TAFA2: variants seen among roughly 807,000 people sequenced by gnomAD.
TAFA2 encodes the protein chemokine-like protein TAFA-2.
A neutral mutation model predicts 18.8 loss-of-function variants in TAFA2; 7 were observed. The ratio of observed to expected loss-of-function variants is 0.37; its 90% confidence interval spans 0.21 to 0.70. The LOEUF (loss-of-function observed/expected upper bound fraction) is 0.70. TAFA2 is among the 30% of genes least tolerant of loss of function. TAFA2 has a pLI of 0.53. For missense variants in TAFA2, 122 were observed against 158.1 expected (o/e 0.77, Z 1.23); for synonymous variants, 60 against 54.2 (o/e 1.11, Z -0.47).
intron 1 of TAFA2, among the ~76,000 whole-genome samples, chr12:62,134,301 GAGGTCCTA>G (rs1215585905): frequency 3.3e-5 from 5 of 151,876 alleles, no homozygotes; most frequent in Admixed American, 6.6e-5. Flanking sequence ...AGGGTTAAAT[GAGGTCCTA>G]AGCATGGAGC....
chr12:62,118,882 T>A (rs1017892041), intron 1 of TAFA2, among the ~76,000 whole-genome samples: 1 of 152,168 alleles, frequency 6.6e-6, no homozygotes, highest in Non-Finnish European at 1.5e-5. Flanking sequence ...TCAACTAGTT[T>A]GTGACAGTAC....
intron 1 of TAFA2, among the ~76,000 whole-genome samples, chr12:61,974,202 GTTCTA>G (rs1306468760): frequency 2.6e-5 from 4 of 151,662 alleles, no homozygotes; most frequent in African/African-American, 9.7e-5. Flanking sequence ...ATATATTCCT[GTTCTA>G]TTCATCACTC....
chr12:62,205,283 TG>T (rs540512186), intron 1 of TAFA2, among the ~76,000 whole-genome samples: 2 of 152,138 alleles, frequency 1.3e-5, no homozygotes, highest in Non-Finnish European at 2.9e-5. Context: ...TGACCACTCT[TG>T]GGGGGGTCTC....
intron 1 of TAFA2, chr12:62,021,437 C>G (rs1256985979): frequency 2.1e-6 from 1 of 481,376 alleles, no homozygotes; most frequent in East Asian, 4.5e-5. Context: ...CCCCCTCCCA[C>G]CCTTTCCCCC....
At chr12:62,115,345 AT>A (rs555000408) in intron 1 of TAFA2, among the ~76,000 whole-genome samples, 7 of 151,812 alleles carry the variant, frequency 4.6e-5, no homozygotes, top group South Asian at 2.1e-4. Flanking sequence ...CACTGCACTG[AT>A]TTTTTTTCTA....
intron 1 of TAFA2, among the ~76,000 whole-genome samples, chr12:62,170,193 T>A (rs1457521016): frequency 6.6e-6 from 1 of 152,164 alleles, no homozygotes; most frequent in Non-Finnish European, 1.5e-5. Context: ...ATAATTGATA[T>A]CTCTCTTTGA....
intron 4 of TAFA2, among the ~76,000 whole-genome samples, chr12:61,721,430 T>C (rs142840699): frequency 4.9e-4 from 75 of 152,322 alleles, no homozygotes; most frequent in African/African-American, 1.8e-3. Flanking sequence ...GAGTAATTTA[T>C]AATTTGCTGA....
intron 1 of TAFA2, among the ~76,000 whole-genome samples, chr12:62,205,963 G>A (rs920345481): frequency 6.6e-6 from 1 of 152,192 alleles, no homozygotes; most frequent in Non-Finnish European, 1.5e-5. Context: ...CCTTGGTTGG[G>A]AGTGAAAGCT....
intron 1 of TAFA2, among the ~76,000 whole-genome samples, chr12:62,067,111 TC>T (rs1882510136): frequency 6.6e-6 from 1 of 152,118 alleles, no homozygotes; most frequent in African/African-American, 2.4e-5. Flanking sequence ...TTGTATGTCT[TC>T]CTTTGAAAAA....
chr12:61,814,703 T>C (rs1242410415), intron 2 of TAFA2, among the ~76,000 whole-genome samples: 1 of 151,238 alleles, frequency 6.6e-6, no homozygotes, highest in African/African-American at 2.5e-5. Context: ...AGATGGAAGA[T>C]TATTCTGGAT....
In TAFA2 at chr12:61,946,366, C is replaced by G. The variant is rs1249231746; in HGVS notation, c.-1-78940G>C. On this transcript the variant is annotated intron_variant, in intron 1 of 4. Transcript: ENST00000416284. ...AACCATAAAAACCCTAGAAGAAAAC[C>G]TAGGCATTACCATTCAGGACATAGG... Among the ~76,000 whole-genome samples, 443 of 136,942 alleles carry G rather than the reference C, an allele frequency of 3.2e-3. 4 individuals carry two copies. Among genetic ancestry groups the G allele is most frequent in the African/African-American group, 0.011 (410 of 36,276 alleles). The allele number at this position is 136,942 out of a possible 152,430, so 89.8% of individuals were successfully genotyped here.
At chr12:61,980,863 G>A (rs958671557) in intron 1 of TAFA2, among the ~76,000 whole-genome samples, 3 of 152,134 alleles carry the variant, frequency 2.0e-5, no homozygotes, top group Admixed American at 1.3e-4. Context: ...GATCAATATC[G>A]TGAAAATGGC....
At chr12:61,862,677 T>C (rs1874176733) in intron 2 of TAFA2, among the ~76,000 whole-genome samples, 1 of 152,166 alleles carries the variant, frequency 6.6e-6, no homozygotes, top group African/African-American at 2.4e-5. Flanking sequence ...ATGCACACCA[T>C]CCTCCTTGCT....
At chr12:61,741,260 T>C (rs1268957176) in intron 4 of TAFA2, among the ~76,000 whole-genome samples, 1 of 151,876 alleles carries the variant, frequency 6.6e-6, no homozygotes, top group Middle Eastern at 3.4e-3. Flanking sequence ...GTCTCTCCTC[T>C]CTCTCTGCTC....
chr12:61,770,545 G>T, intron 2 of TAFA2, among the ~76,000 whole-genome samples: 1 of 152,100 alleles, frequency 6.6e-6, no homozygotes, highest in Non-Finnish European at 1.5e-5. Flanking sequence ...TTTCTCAACA[G>T]AAGCTATACA....
intron 1 of TAFA2, among the ~76,000 whole-genome samples, chr12:61,879,124 G>T (rs1874995013): frequency 6.6e-6 from 1 of 152,166 alleles, no homozygotes; most frequent in African/African-American, 2.4e-5. Flanking sequence ...AGGGAAACGT[G>T]ATGGCACCAC....
At chr12:61,739,515 A>G (rs1342766461) in intron 4 of TAFA2, among the ~76,000 whole-genome samples, 1 of 152,060 alleles carries the variant, frequency 6.6e-6, no homozygotes, top group East Asian at 1.9e-4. Flanking sequence ...ATTTATCTTT[A>G]CCTTCAGTAT....
In TAFA2 at chr12:61,813,262, GC is replaced by G. The variant is rs567963519; in HGVS notation, c.106+54057del. Among the ~76,000 whole-genome samples, 26 of 151,404 alleles carry G rather than the reference GC, an allele frequency of 1.7e-4. 2 individuals carry two copies. The highest frequency in any genetic ancestry group is 6.1e-4 in the African/African-American group (25 of 40,766). The stretch of plus-strand genomic sequence containing the variant: ...CCTTGGATTATCAGTAGTAAGTTGA[GC>G]TTTTTCCATACTTTTCATAGTATGT... On this transcript the variant is annotated intron_variant, in intron 2 of 4. Transcript: ENST00000416284.
chr12:61,849,397 T>C (rs1873547751), intron 2 of TAFA2, among the ~76,000 whole-genome samples: 1 of 152,208 alleles, frequency 6.6e-6, no homozygotes, highest in Non-Finnish European at 1.5e-5. Flanking sequence ...AAACTATTTA[T>C]TTAGGGAAGT....
Sources: allele counts gnomAD v4.1 joint callset (sites outside exome capture counted in the v4.1 genomes callset), GRCh38; gene constraint gnomAD v4.1.1; transcripts MANE v1.5; gene names NCBI Gene and HGNC (gene_info 2026-07-23, HGNC 2026-07-21).